CCDC7: variants seen among roughly 807,000 people sequenced by gnomAD.
CCDC7 encodes coiled-coil domain-containing protein 7.
Under a neutral mutation model 196.9 loss-of-function variants are expected in CCDC7, and 183 were observed. That is an observed-to-expected ratio of 0.93 (90% confidence interval 0.82 to 1.05). The LOEUF (loss-of-function observed/expected upper bound fraction) is 1.05, where lower values mean the gene tolerates loss of function less well. CCDC7 is among the 50% of genes least tolerant of loss of function. The pLI is 0.00. For synonymous variants in CCDC7, 525 were observed against 484.6 expected (o/e 1.08, Z -1.10); for missense variants, 1,540 against 1,482.2 (o/e 1.04, Z -0.64).
chr10:32,579,697 T>C (rs2058563529), intron 16 of CCDC7, among the ~76,000 whole-genome samples: 1 of 152,158 alleles, frequency 6.6e-6, no homozygotes, highest in African/African-American at 2.4e-5. Flanking sequence ...AACATCCTAC[T>C]TAATCTGAGA....
rs952541264 is a variant in CCDC7, at chr10:32,873,154, C to G, written c.4112-3193C>G. Among the ~76,000 whole-genome samples, 5 of 152,276 alleles carry G rather than the reference C, an allele frequency of 3.3e-5. No individual in the cohort carries two copies. In the East Asian group the frequency reaches 9.7e-4, roughly 29 times the overall value. On this transcript the variant is annotated intron_variant, in intron 41 of 41. Transcript: ENST00000639629. ...GTGTTTTCCAACTTGGTTCCATTCT[C>G]CCTGTCACTTTCAGGTACACCAATC...
chr10:32,641,083 A>T (rs1564928582), intron 20 of CCDC7, among the ~76,000 whole-genome samples: 1 of 151,824 alleles, frequency 6.6e-6, no homozygotes, highest in Non-Finnish European at 1.5e-5. Flanking sequence ...GCTGCCCTTA[A>T]CATTTTTCCT....
intron 13 of CCDC7, among the ~76,000 whole-genome samples, chr10:32,564,735 T>C (rs972572092): frequency 1.3e-5 from 2 of 151,962 alleles, no homozygotes; most frequent in Non-Finnish European, 2.9e-5. Context: ...CACACCAGCA[T>C]GGCACATGTA....
intron 30 of CCDC7, among the ~76,000 whole-genome samples, chr10:32,810,430 T>G (rs995958642): frequency 1.8e-4 from 27 of 152,114 alleles, no homozygotes; most frequent in Non-Finnish European, 1.9e-4. Flanking sequence ...AGGATAATTA[T>G]TATATAATGA....
intron 8 of CCDC7, among the ~76,000 whole-genome samples, chr10:32,486,767 A>T (rs971055031): frequency 6.7e-6 from 1 of 149,856 alleles, no homozygotes; most frequent in Non-Finnish European, 1.5e-5. Flanking sequence ...GTTTGGCTGG[A>T]TATGAGATTC....
intron 32 of CCDC7, among the ~76,000 whole-genome samples, chr10:32,832,487 A>C (rs2092282676): frequency 6.6e-6 from 1 of 152,086 alleles, no homozygotes; most frequent in Non-Finnish European, 1.5e-5. Flanking sequence ...TGGGGGAAAA[A>C]AAACCCAAAA....
At chr10:32,642,273 C>G (rs2066952787) in intron 20 of CCDC7, among the ~76,000 whole-genome samples, 2 of 152,174 alleles carry the variant, frequency 1.3e-5, no homozygotes, top group Admixed American at 1.3e-4. Context: ...GCAGTGAGAC[C>G]TCCTTGAGCT....
chr10:32,805,013 A>G lies in CCDC7; in HGVS notation c.3014-2A>G. Reference sequence around the variant, plus strand: ...TATTTTTAAATCCATCTATTTCTATAGAGACTGATATAGAAAGCTTGAGAG... The same window carrying G: ...TATTTTTAAATCCATCTATTTCTATGGAGACTGATATAGAAAGCTTGAGAG... On this transcript the variant is annotated splice_acceptor_variant, in intron 29 of 41. Coordinates refer to ENST00000639629, the Ensembl canonical transcript of CCDC7. LOFTEE classifies it high-confidence loss of function. The G allele has an allele frequency of 6.3e-7, 1 of 1,592,066 alleles. No homozygotes were observed. The highest frequency in any genetic ancestry group is 8.6e-7 in the Non-Finnish European group (1 of 1,160,450).
intron 21 of CCDC7, among the ~76,000 whole-genome samples, chr10:32,670,722 C>G (rs1296627678): frequency 3.9e-5 from 6 of 152,172 alleles, no homozygotes; most frequent in Admixed American, 1.3e-4. Flanking sequence ...GACGTGAACT[C>G]ATCATTTCAA....
Position 32,567,731 on chromosome 10 carries a change from G to A in CCDC7, c.1259G>A (p.Ser420Asn), listed in dbSNP as rs1202298115. 7 of 1,613,528 alleles carry A rather than the reference G, an allele frequency of 4.3e-6. No individual in the cohort carries two copies. The South Asian group carries it at 7.7e-5, about 18-fold the overall frequency. The change falls in exon 15 of 42, where the codon AGT becomes AAT. Residue 420 changes from serine to asparagine, a missense_variant. By Grantham distance (46) the Ser-to-Asn change is conservative. Coordinates refer to ENST00000639629, the Ensembl canonical transcript of CCDC7. ...CTAAATCAAGAGAAGTTACTTAAAAGTGAGGGGAAAACTGAGACAACAATG... is the reference window on the plus strand; with the variant it reads ...CTAAATCAAGAGAAGTTACTTAAAAATGAGGGGAAAACTGAGACAACAATG...
intron 14 of CCDC7, 29 bp downstream of exon 15, chr10:32,565,649 G>A: frequency 6.3e-7 from 1 of 1,587,516 alleles, no homozygotes. Context: ...CTTTAACATT[G>A]TTAACAAGTA....
In CCDC7 at chr10:32,515,525, G is replaced by A. The variant is rs117619043; in HGVS notation, c.873-2420G>A. Among the ~76,000 whole-genome samples the A allele has an allele frequency of 7.9e-3, 1,206 of 152,116 alleles. 7 individuals are homozygous for A. Among genetic ancestry groups the A allele is most frequent in the Middle Eastern group, 0.02 (6 of 294 alleles). On this transcript the variant is annotated intron_variant, in intron 9 of 41. Coordinates refer to ENST00000639629, the Ensembl canonical transcript of CCDC7. ...GCTGGTTATCCCCATGCAAAAGAAC[G>A]AGGCTGGATTACTTATTTTTATTTT... is the stretch of plus-strand genomic sequence containing the variant.
chr10:32,584,448 C>A, intron 18 of CCDC7, 144 bp downstream of exon 19: 5 of 478,760 alleles, frequency 1.0e-5, no homozygotes, highest in South Asian at 4.9e-5. Flanking sequence ...ACAAATATAA[C>A]GACAATTATA....
chr10:32,659,262 A>G (rs995101821), intron 20 of CCDC7, among the ~76,000 whole-genome samples: 1 of 151,522 alleles, frequency 6.6e-6, no homozygotes. Context: ...GATATTTTTG[A>G]TTTTCCTTTT....
chr10:32,566,726 A>T (rs1464407236), intron 14 of CCDC7, among the ~76,000 whole-genome samples: 1 of 151,706 alleles, frequency 6.6e-6, no homozygotes. Context: ...AGCCTGGGCA[A>T]CATAGTGAAA....
intron 18 of CCDC7, among the ~76,000 whole-genome samples, chr10:32,632,377 C>T (rs542553347): frequency 3.5e-4 from 53 of 151,692 alleles, no homozygotes; most frequent in African/African-American, 1.1e-3. Context: ...TTATTAATAT[C>T]GTTTAGTATA....
chr10:32,711,571 T>A, intron 24 of CCDC7, 49 bp from the exon 26 acceptor site: 1 of 1,112,080 alleles, frequency 9.0e-7, no homozygotes, highest in Non-Finnish European at 1.3e-6. Context: ...TAGGATTTCA[T>A]AGTAGATTTG....
rs537440348 is a variant in CCDC7 at position 32,623,912 on chromosome 10, G to C, written c.1802-10342G>C. ...GAGTGAGAACTCACTTCTTCCCAAGGGGATGGTGCTAAACTGTTCATGAGG... is the reference window on the plus strand; with the variant it reads ...GAGTGAGAACTCACTTCTTCCCAAGCGGATGGTGCTAAACTGTTCATGAGG... On this transcript the variant is annotated intron_variant, in intron 18 of 41. Transcript: ENST00000639629. 33 of 399,904 alleles carry C rather than the reference G, an allele frequency of 8.3e-5. No homozygotes were observed. The East Asian group carries it at 2.3e-3, about 28-fold the overall frequency. 24.8% of individuals were successfully genotyped at this position (399,904 alleles called of 1,614,324 possible). A position where few individuals can be genotyped will look rare whatever the true frequency, so the allele number is the denominator to read the frequency against.
chr10:32,785,044 TGAA>T (rs1282549718), intron 29 of CCDC7, among the ~76,000 whole-genome samples: 1 of 152,160 alleles, frequency 6.6e-6, no homozygotes, highest in Non-Finnish European at 1.5e-5. Context: ...TCAAAATGTA[TGAA>T]GAACTGTGCA....
Sources: gnomAD v4.1 joint callset for allele counts (sites outside exome capture counted in the v4.1 genomes callset) on GRCh38, gnomAD v4.1.1 for gene constraint, MANE v1.5 for transcripts, NCBI Gene and HGNC (gene_info 2026-07-23, HGNC 2026-07-21) for gene names.